Variants in SGMS1 observed in about 807,000 individuals in gnomAD.
SGMS1 encodes the protein phosphatidylcholine:ceramide cholinephosphotransferase 1.
In SGMS1, 13 loss-of-function variants were observed where a neutral mutation model predicts 46.2. That is an observed-to-expected ratio of 0.28 (90% CI 0.18 to 0.45). The LOEUF is 0.45. Ranked by LOEUF, SGMS1 falls within the 20% of genes least tolerant of loss-of-function variation. SGMS1 has a pLI of 1.00. For missense variants in SGMS1, 324 were observed against 519.9 expected (o/e 0.62, Z 3.66); for synonymous variants, 203 against 187.8 (o/e 1.08, Z -0.66).
intron 1 of SGMS1, among the ~76,000 whole-genome samples, chr10:50,606,515 T>A (rs1838695515): frequency 6.6e-6 from 1 of 152,224 alleles, no homozygotes; most frequent in African/African-American, 2.4e-5. Flanking sequence ...TTTGTACTTG[T>A]TTAAAGTATA....
intron 6 of SGMS1, among the ~76,000 whole-genome samples, chr10:50,388,471 TAAAAAA>T (rs56992240): frequency 7.0e-5 from 6 of 85,118 alleles, no homozygotes; most frequent in African/African-American, 1.6e-4. Flanking sequence ...CTGTCTCTAC[TAAAAAA>T]AAAAAAAAAA....
At chr10:50,473,410 T>C (rs903285446) in intron 3 of SGMS1, among the ~76,000 whole-genome samples, 1 of 152,236 alleles carries the variant, frequency 6.6e-6, no homozygotes, top group African/African-American at 2.4e-5. Context: ...ACAATGAGAC[T>C]TTCTTAATTT....
intron 6 of SGMS1, among the ~76,000 whole-genome samples, chr10:50,368,649 C>T (rs558334984): frequency 9.2e-4 from 140 of 152,360 alleles, no homozygotes; most frequent in African/African-American, 2.9e-3. Context: ...AGCCACTGCA[C>T]CCAGCCAATA....
intron 2 of SGMS1, among the ~76,000 whole-genome samples, chr10:50,582,863 C>T (rs185145862): frequency 3.0e-4 from 45 of 152,312 alleles, no homozygotes; most frequent in Non-Finnish European, 5.1e-4. Context: ...AACACAGAGG[C>T]AAGTGTGGGG....
At chr10:50,469,491 G>A (rs1397696560) in intron 3 of SGMS1, among the ~76,000 whole-genome samples, 2 of 152,144 alleles carry the variant, frequency 1.3e-5, no homozygotes, top group Non-Finnish European at 2.9e-5. Context: ...AATGCAAAAA[G>A]TTCTTTCTGG....
At chr10:50,318,349 C>G (rs1298212003) in intron 8 of SGMS1, among the ~76,000 whole-genome samples, 1 of 152,184 alleles carries the variant, frequency 6.6e-6, no homozygotes, top group Admixed American at 6.5e-5. Context: ...TCAGTTTTCT[C>G]ACCTGTAAAA....
At chr10:50,540,782 G>A (rs557320510) in intron 2 of SGMS1, among the ~76,000 whole-genome samples, 1 of 152,262 alleles carries the variant, frequency 6.6e-6, no homozygotes, top group South Asian at 2.1e-4. Context: ...AAGATCATGG[G>A]AAGTCATGGA....
At chr10:50,620,243 TG>T (rs1247654163) in intron 1 of SGMS1, among the ~76,000 whole-genome samples, 2 of 152,254 alleles carry the variant, frequency 1.3e-5, no homozygotes, top group African/African-American at 4.8e-5. Context: ...CTCTTGTGAC[TG>T]GGTAGCTTAA....
intron 2 of SGMS1, among the ~76,000 whole-genome samples, chr10:50,589,335 T>C (rs996251974): frequency 6.6e-6 from 1 of 151,990 alleles, no homozygotes; most frequent in Non-Finnish European, 1.5e-5. Flanking sequence ...AATCATAGCT[T>C]ACTACACCCT....
chr10:50,376,743 C>G (rs959230883), intron 6 of SGMS1, among the ~76,000 whole-genome samples: 2 of 152,162 alleles, frequency 1.3e-5, no homozygotes, highest in Non-Finnish European at 2.9e-5. Context: ...TCATCCATGT[C>G]CCTACAAAGG....
At chr10:50,364,267 T>TA (rs1848299507) in intron 6 of SGMS1, among the ~76,000 whole-genome samples, 1 of 152,100 alleles carries the variant, frequency 6.6e-6, no homozygotes, top group Non-Finnish European at 1.5e-5. Flanking sequence ...AGAGAAAATT[T>TA]AAAAAAATTA....
At chr10:50,582,817 C>A (rs1452205101) in intron 2 of SGMS1, among the ~76,000 whole-genome samples, 1 of 152,202 alleles carries the variant, frequency 6.6e-6, no homozygotes, top group African/African-American at 2.4e-5. Flanking sequence ...TCTCTGCTTC[C>A]TTGATTTATT....
At chr10:50,480,410 G>A (rs947084760) in intron 3 of SGMS1, among the ~76,000 whole-genome samples, 3 of 151,882 alleles carry the variant, frequency 2.0e-5, no homozygotes, top group Non-Finnish European at 2.9e-5. Flanking sequence ...TGAAAACGGC[G>A]AATGAATCCT....
At chr10:50,507,111 G>A (rs969753647) in intron 3 of SGMS1, among the ~76,000 whole-genome samples, 1 of 152,138 alleles carries the variant, frequency 6.6e-6, no homozygotes, top group Non-Finnish European at 1.5e-5. Context: ...ACAGCCCATT[G>A]GTAGCTAGGT....
chr10:50,531,308 A>T (rs919128247), intron 2 of SGMS1, among the ~76,000 whole-genome samples: 1 of 152,168 alleles, frequency 6.6e-6, no homozygotes, highest in African/African-American at 2.4e-5. Context: ...TCTCTGCTCA[A>T]CTTTTACTTT....
intron 6 of SGMS1, among the ~76,000 whole-genome samples, chr10:50,355,433 C>T (rs1256454088): frequency 6.6e-6 from 1 of 152,208 alleles, no homozygotes; most frequent in Admixed American, 6.5e-5. Context: ...CGCCACCACG[C>T]CTGACTGGTT....
At chr10:50,580,027 T>C (rs1223109725) in intron 2 of SGMS1, among the ~76,000 whole-genome samples, 2 of 152,166 alleles carry the variant, frequency 1.3e-5, no homozygotes, top group African/African-American at 2.4e-5. Context: ...AAAGTAGTGG[T>C]AAGTGCATAG....
chr10:50,546,874 T>TA (rs537784299), intron 2 of SGMS1, among the ~76,000 whole-genome samples: 9 of 151,284 alleles, frequency 5.9e-5, no homozygotes, highest in Admixed American at 3.9e-4. Context: ...AATATAATAA[T>TA]AAAAAAAAAG....
intron 8 of SGMS1, among the ~76,000 whole-genome samples, chr10:50,313,544 TA>T (rs1262915774): frequency 1.3e-5 from 2 of 152,242 alleles, no homozygotes; most frequent in African/African-American, 4.8e-5. Flanking sequence ...CATGCCTGCA[TA>T]AACATTATAA....
Sources: allele counts gnomAD v4.1 joint callset (sites outside exome capture counted in the v4.1 genomes callset), GRCh38; gene constraint gnomAD v4.1.1; transcripts MANE v1.5; gene names NCBI Gene and HGNC (gene_info 2026-07-23, HGNC 2026-07-21).